Variants in TEX10 observed in about 807,000 individuals in gnomAD.
The protein encoded by TEX10 is testis-expressed protein 10.
TEX10 carries 24 observed loss-of-function variants against 104.4 expected under a neutral mutation model. That is an observed-to-expected ratio of 0.23 (90% CI 0.17 to 0.32). The LOEUF (loss-of-function observed/expected upper bound fraction) is 0.32. Among genes scored for constraint, TEX10 ranks in the 10% least tolerant of loss-of-function variants. The probability of loss-of-function intolerance (pLI) is 1.00; values close to 1 mark genes in which losing one functional copy is unlikely to be tolerated. For missense variants in TEX10, 921 were observed against 1,083.9 expected, an observed-to-expected ratio of 0.85 and a Z score of 2.11; for synonymous variants, 396 against 393.4, an observed-to-expected ratio of 1.01 and a Z score of -0.08.
intron 9 of TEX10, among the ~76,000 whole-genome samples, chr9:100,325,675 C>T (rs551698486): frequency 5.5e-4 from 83 of 152,198 alleles, no homozygotes; most frequent in African/African-American, 1.9e-3. Flanking sequence ...GGACTATAGG[C>T]ATGCACCATC....
At position 100,302,671 on chromosome 9, in the gene TEX10, CAACA is replaced by C. The variant is rs369731829; in HGVS notation, c.2677-371_2677-368del. On this transcript the variant is annotated intron_variant, in intron 14 of 14. Transcript: ENST00000374902. ...CTGAGAATAACTCTACAGGGCCAAC[CAACA>C]ATTTCTGTCAATCTCTTCTTTACAA... 1.2e-4 allele frequency among the ~76,000 whole-genome samples: 19 copies of C among 152,258 alleles called. No individual in the cohort carries two copies. In the East Asian group the frequency reaches 3.7e-3, roughly 29 times the overall value.
intron 12 of TEX10, among the ~76,000 whole-genome samples, chr9:100,309,364 G>A (rs940642203): frequency 7.2e-5 from 11 of 152,184 alleles, no homozygotes; most frequent in African/African-American, 1.9e-4. Context: ...GGAGACTACT[G>A]TTGGGTAATG....
chr9:100,332,295 C>T (rs1834882511), intron 5 of TEX10, among the ~76,000 whole-genome samples: 2 of 152,100 alleles, frequency 1.3e-5, no homozygotes, highest in South Asian at 2.1e-4. Flanking sequence ...ACATTTCTTC[C>T]CCACAGGTAG....
chr9:100,345,969 G>A lies in TEX10; in HGVS notation c.1137+103C>T, dbSNP rs1835290212. The A allele has an allele frequency of 3.0e-6, 4 of 1,340,310 alleles. No individual in the cohort carries two copies. In the Admixed American group the frequency reaches 8.3e-5, roughly 28 times the overall value. 83.0% of individuals were successfully genotyped at this position (1,340,310 alleles called of 1,614,324 possible). ...ACAGTTAAACCCAGGGTACTTTTCA[G>A]AAAAATATATAACCAATTAGTAGTA... On this transcript the variant is annotated intron_variant, in intron 4 of 14. Coordinates refer to ENST00000374902, the MANE Select transcript of TEX10 (RefSeq NM_017746.4).
In TEX10 at chr9:100,303,586, C is replaced by T. The variant is rs759768343; in HGVS notation, c.2676+46G>A. On this transcript the variant is annotated intron_variant, in intron 14 of 14. Transcript: ENST00000374902. Reference sequence around the variant, plus strand: ...TTCCCCCATGCCCCCGTCATAAATTCATTCTTATGCTAATACTGCAAAGCC... The same window carrying T: ...TTCCCCCATGCCCCCGTCATAAATTTATTCTTATGCTAATACTGCAAAGCC... 5.2e-5 allele frequency: 83 copies of T among 1,600,074 alleles called. 2 individuals are homozygous for T. In the South Asian group the frequency reaches 8.5e-4, roughly 16 times the overall value.
At chr9:100,337,956 C>T (rs1385532253) in intron 5 of TEX10, among the ~76,000 whole-genome samples, 1 of 152,130 alleles carries the variant, frequency 6.6e-6, no homozygotes, top group Non-Finnish European at 1.5e-5. Flanking sequence ...TTTTATACTG[C>T]TTTGTGTTAC....
chr9:100,302,937 C>CA (rs1554732271), intron 14 of TEX10, among the ~76,000 whole-genome samples: 7 of 112,862 alleles, frequency 6.2e-5, no homozygotes, highest in South Asian at 2.5e-4. Context: ...CGCCCCCCCC[C>CA]CAAACTAAAA....
chr9:100,336,304 G>A (rs558095703), intron 5 of TEX10, among the ~76,000 whole-genome samples: 7 of 152,290 alleles, frequency 4.6e-5, no homozygotes, highest in East Asian at 3.9e-4. Flanking sequence ...GGCCTGTTAG[G>A]AACCAGGCCA....
chr9:100,320,055 C>G (rs946826052), intron 11 of TEX10, among the ~76,000 whole-genome samples: 1 of 152,154 alleles, frequency 6.6e-6, no homozygotes, highest in Non-Finnish European at 1.5e-5. Flanking sequence ...ATGGATCTAT[C>G]ATTCAAATTG....
At chr9:100,331,755 T>C (rs1263277136) in intron 5 of TEX10, among the ~76,000 whole-genome samples, 1 of 152,112 alleles carries the variant, frequency 6.6e-6, no homozygotes, top group African/African-American at 2.4e-5. Context: ...ATTGTGTGGA[T>C]ACGAAAAGGA....
At chr9:100,328,019 T>G (rs1834752492) in intron 7 of TEX10, 57 bp from the exon 8 acceptor site, 2 of 1,366,598 alleles carry the variant, frequency 1.5e-6, no homozygotes, top group Non-Finnish European at 1.9e-6. Flanking sequence ...GAAATAAATT[T>G]AAACAAAAAA....
intron 1 of TEX10, chr9:100,352,322 T>A: frequency 1.3e-6 from 2 of 1,546,396 alleles, no homozygotes; most frequent in Non-Finnish European, 8.8e-7. Context: ...TCCGCTCGCT[T>A]AACTCTCCCG....
intron 4 of TEX10, among the ~76,000 whole-genome samples, chr9:100,340,963 G>A (rs1835156609): frequency 6.6e-6 from 1 of 151,876 alleles, no homozygotes. Flanking sequence ...TCACCCTACA[G>A]CTCAATTTGG....
At chr9:100,320,661 G>A (rs563823753) in intron 10 of TEX10, among the ~76,000 whole-genome samples, 2 of 152,230 alleles carry the variant, frequency 1.3e-5, no homozygotes, top group African/African-American at 4.8e-5. Flanking sequence ...TTCTACTAGG[G>A]TTTTGACAAT....
chr9:100,329,300 G>A (rs148346542), intron 6 of TEX10, 25 bp from the exon 7 acceptor site: 3 of 1,580,882 alleles, frequency 1.9e-6, no homozygotes, highest in Non-Finnish European at 2.6e-6. Flanking sequence ...AAAACAACTT[G>A]CATATGAATC....
chr9:100,304,424 A>G (rs1286995830), intron 13 of TEX10: 1 of 154,472 alleles, frequency 6.5e-6, no homozygotes, highest in African/African-American at 2.4e-5. Context: ...ATAAAGCCAC[A>G]TACCTACAAC....
chr9:100,326,727 A>C (rs1834714405), intron 8 of TEX10, among the ~76,000 whole-genome samples: 1 of 152,218 alleles, frequency 6.6e-6, no homozygotes, highest in Non-Finnish European at 1.5e-5. Flanking sequence ...TCTTGTTAGA[A>C]ATAAAAACTT....
chr9:100,336,209 TG>T (rs1564215635), intron 5 of TEX10, among the ~76,000 whole-genome samples: 1 of 152,068 alleles, frequency 6.6e-6, no homozygotes, highest in Non-Finnish European at 1.5e-5. Context: ...AAAAATACAC[TG>T]GGGGTACCTG....
At chr9:100,320,999 C>A (rs1834556302) in intron 10 of TEX10, among the ~76,000 whole-genome samples, 1 of 152,174 alleles carries the variant, frequency 6.6e-6, no homozygotes, top group Non-Finnish European at 1.5e-5. Context: ...ACCCTATCTA[C>A]CTTGATGTTC....
Sources: gnomAD v4.1 joint callset for allele counts (sites outside exome capture counted in the v4.1 genomes callset) on GRCh38, gnomAD v4.1.1 for gene constraint, MANE v1.5 for transcripts, NCBI Gene and HGNC (gene_info 2026-07-23, HGNC 2026-07-21) for gene names.